The following FNDC3A variants were observed in gnomAD, a reference collection of about 807,000 sequenced individuals.
The protein encoded by FNDC3A is fibronectin type III domain containing 3A.
FNDC3A carries 32 observed loss-of-function variants against 148.9 expected under a neutral mutation model. The ratio of observed to expected loss-of-function variants is 0.21; its 90% CI spans 0.16 to 0.29. The LOEUF (loss-of-function observed/expected upper bound fraction) is 0.29, where lower values mean the gene tolerates loss of function less well. FNDC3A is among the 10% of genes least tolerant of loss of function. FNDC3A has a pLI of 1.00. For missense variants in FNDC3A, 1,191 were observed against 1,452.8 expected, an observed-to-expected ratio of 0.82 and a Z score of 2.93; for synonymous variants, 472 against 473.6, an observed-to-expected ratio of 1.00 and a Z score of 0.04.
At chr13:49,189,416 C>T (rs1038239887) in intron 17 of FNDC3A, among the ~76,000 whole-genome samples, 1 of 151,906 alleles carries the variant, frequency 6.6e-6, no homozygotes, top group African/African-American at 2.4e-5. Flanking sequence ...CTCCTGACTT[C>T]GTGATCCACC....
At position 49,175,355 on chromosome 13, in the gene FNDC3A, T is replaced by C; in HGVS notation, c.1356-12T>C. On this transcript the variant is annotated splice_polypyrimidine_tract_variant and intron_variant, in intron 12 of 25. Coordinates refer to ENST00000492622, the MANE Select transcript of FNDC3A (RefSeq NM_001079673.2). ...ACTTTTTCATGCCTTTTAAAACCAT[T>C]TGTTTCAACAGTGGTTTTAGTGAAG... 6.5e-7 allele frequency: 1 copy of C among 1,538,444 alleles called. No homozygotes were observed. The highest frequency in any genetic ancestry group is 8.8e-7 in the Non-Finnish European group (1 of 1,142,440).
chr13:49,131,133 G>A lies in FNDC3A; in HGVS notation c.253-4G>A. The A allele has an allele frequency of 6.3e-7, 1 of 1,597,810 alleles. No individual in the cohort carries two copies. The highest frequency in any genetic ancestry group is 8.6e-7 in the Non-Finnish European group (1 of 1,165,216). On this transcript the variant is annotated splice_region_variant and splice_polypyrimidine_tract_variant and intron_variant, in intron 4 of 25. Transcript: ENST00000492622. ...GAAATTTTAATCTGATGTTCATTTT[G>A]TAGGTTATTGAAGACAATGGTGTTC...
intron 4 of FNDC3A, among the ~76,000 whole-genome samples, chr13:49,123,666 A>G (rs1178583443): frequency 6.6e-6 from 1 of 152,006 alleles, no homozygotes; most frequent in Non-Finnish European, 1.5e-5. Context: ...AAAAAAACCA[A>G]CCCCATCAAA....
intron 14 of FNDC3A, among the ~76,000 whole-genome samples, chr13:49,179,397 A>C (rs924594702): frequency 6.6e-6 from 1 of 152,062 alleles, no homozygotes; most frequent in Admixed American, 6.6e-5. Context: ...ATAACTGTAA[A>C]GTTATTCTTT....
At chr13:49,087,508 A>G (rs1045181994) in intron 3 of FNDC3A, among the ~76,000 whole-genome samples, 7 of 152,128 alleles carry the variant, frequency 4.6e-5, no homozygotes, top group Admixed American at 1.3e-4. Flanking sequence ...CCACTTACTA[A>G]TAGTAGATAA....
At chr13:49,055,174 G>A (rs1054731346) in intron 2 of FNDC3A, among the ~76,000 whole-genome samples, 1 of 151,788 alleles carries the variant, frequency 6.6e-6, no homozygotes, top group African/African-American at 2.4e-5. Context: ...CACGTTCGTG[G>A]CTCACTTCAG....
chr13:49,098,946 T>A (rs1879695677), intron 3 of FNDC3A, among the ~76,000 whole-genome samples: 2 of 152,132 alleles, frequency 1.3e-5, no homozygotes, highest in Non-Finnish European at 2.9e-5. Context: ...TCCCAAGTTC[T>A]GACTCACCAA....
intron 16 of FNDC3A, among the ~76,000 whole-genome samples, chr13:49,188,077 A>G (rs1057103808): frequency 5.3e-5 from 8 of 152,184 alleles, no homozygotes; most frequent in Non-Finnish European, 8.8e-5. Flanking sequence ...AGTGAACTTT[A>G]TTCTTGAATC....
At chr13:49,099,844 G>T (rs1879755874) in intron 3 of FNDC3A, among the ~76,000 whole-genome samples, 1 of 152,076 alleles carries the variant, frequency 6.6e-6, no homozygotes, top group African/African-American at 2.4e-5. Flanking sequence ...TAGCAGATAT[G>T]CTCCCAGCTT....
Position 49,165,232 on chromosome 13 carries a change from C to T in FNDC3A, c.978-2012C>T, listed in dbSNP as rs77449807. Reference sequence around the variant, plus strand: ...GTGTTTCTTTGGAGGTGTCATATTGCCTTGCTTTTTCATATTTCTTGTGTC... The same window carrying T: ...GTGTTTCTTTGGAGGTGTCATATTGTCTTGCTTTTTCATATTTCTTGTGTC... On this transcript the variant is annotated intron_variant, in intron 8 of 25. Coordinates refer to ENST00000492622, the MANE Select transcript of FNDC3A (RefSeq NM_001079673.2). 3.8e-3 allele frequency among the ~76,000 whole-genome samples: 571 copies of T among 152,068 alleles called. 6 individuals are homozygous for T. The highest frequency in any genetic ancestry group is 0.013 in the African/African-American group (545 of 41,478).
chr13:49,170,673 T>G (rs1255396022), intron 10 of FNDC3A, among the ~76,000 whole-genome samples: 2 of 152,260 alleles, frequency 1.3e-5, no homozygotes, highest in South Asian at 2.1e-4. Context: ...CTGGGATGAT[T>G]TATTTGGTTC....
At position 49,075,398 on chromosome 13, in the gene FNDC3A, C is replaced by A. The variant is rs779240385; in HGVS notation, c.175+34C>A. 9.5e-6 allele frequency: 12 copies of A among 1,263,620 alleles called. No homozygotes were observed. In the African/African-American group the frequency reaches 1.6e-4, roughly 17 times the overall value. The allele number at this position is 1,263,620 out of a possible 1,614,324, so 78.3% of individuals were successfully genotyped here. A position where few individuals can be genotyped will look rare whatever the true frequency, so the allele number is the denominator to read the frequency against. On this transcript the variant is annotated intron_variant, in intron 3 of 25. Coordinates refer to ENST00000492622, the MANE Select transcript of FNDC3A (RefSeq NM_001079673.2). ...GGTAATTGAGAATAATCATTTGAGACCAAATAAACCCCAAAAATTTATGAT... is the reference window on the plus strand; with the variant it reads ...GGTAATTGAGAATAATCATTTGAGAACAAATAAACCCCAAAAATTTATGAT...
At chr13:49,130,424 T>A (rs1881957499) in intron 4 of FNDC3A, among the ~76,000 whole-genome samples, 1 of 152,168 alleles carries the variant, frequency 6.6e-6, no homozygotes, top group Non-Finnish European at 1.5e-5. Context: ...CTGGATCCAG[T>A]TGTTTTGTTT....
chr13:49,175,330 A>G (rs758610932), intron 12 of FNDC3A, 37 bp from the exon 13 acceptor site: 1 of 1,455,046 alleles, frequency 6.9e-7, no homozygotes, highest in Non-Finnish European at 9.2e-7. Context: ...TGTAAAAATA[A>G]CTTTTTCATG....
At chr13:49,086,568 G>T (rs1417942115) in intron 3 of FNDC3A, among the ~76,000 whole-genome samples, 2 of 152,126 alleles carry the variant, frequency 1.3e-5, no homozygotes, top group African/African-American at 4.8e-5. Context: ...CAGCAAATCA[G>T]ACCAAGTTCT....
At chr13:49,164,851 C>T (rs1163038510) in intron 8 of FNDC3A, among the ~76,000 whole-genome samples, 2 of 152,224 alleles carry the variant, frequency 1.3e-5, no homozygotes, top group Non-Finnish European at 2.9e-5. Context: ...GGTGATCCGC[C>T]TGCCTCGGCC....
intron 3 of FNDC3A, among the ~76,000 whole-genome samples, chr13:49,087,766 TATAAA>T (rs1470047806): frequency 6.6e-6 from 1 of 152,162 alleles, no homozygotes; most frequent in Non-Finnish European, 1.5e-5. Flanking sequence ...TAATACCAAT[TATAAA>T]ATAAATATGT....
In FNDC3A at chr13:49,042,829, C is replaced by T. The variant is rs77368683; in HGVS notation, c.100-32460C>T. Among the ~76,000 whole-genome samples, 366 of 152,278 alleles carry T rather than the reference C, an allele frequency of 2.4e-3. 13 individuals are homozygous for T. The East Asian group carries it at 0.061, about 26-fold the overall frequency. ...AGAGGTCTGTATTTTTTGATAAATA[C>T]AGTGTTGTCTGCATCCTAAGGTCTT... On this transcript the variant is annotated intron_variant, in intron 2 of 25. Transcript: ENST00000492622.
chr13:49,167,444 C>T (rs1467867586), intron 9 of FNDC3A, 141 bp downstream of exon 9: 6 of 552,628 alleles, frequency 1.1e-5, no homozygotes, highest in African/African-American at 5.8e-5. Context: ...GGGCGCAGTG[C>T]GCCCGTAATC....
Sources: allele counts gnomAD v4.1 joint callset (sites outside exome capture counted in the v4.1 genomes callset), GRCh38; gene constraint gnomAD v4.1.1; transcripts MANE v1.5; gene names NCBI Gene and HGNC (gene_info 2026-07-23, HGNC 2026-07-21).